The following UNKL variants were observed in gnomAD, a reference collection of about 807,000 sequenced individuals.
The protein encoded by UNKL is unk like zinc finger.
In UNKL, 60 loss-of-function variants were observed where a neutral mutation model predicts 78.0. That is an observed-to-expected ratio of 0.77 (90% confidence interval 0.63 to 0.95). The LOEUF (loss-of-function observed/expected upper bound fraction) is 0.95, where lower values mean the gene tolerates loss of function less well. UNKL is among the 40% of genes least tolerant of loss of function. The pLI, the probability that UNKL is intolerant of heterozygous loss-of-function variation, is 0.00. For missense variants in UNKL, 1,159 were observed against 1,045.7 expected, an observed-to-expected ratio of 1.11 and a Z score of -1.49; for synonymous variants, 608 against 474.8, an observed-to-expected ratio of 1.28 and a Z score of -3.65.
chr16:1,389,569 T>C (rs2036957845), intron 9 of UNKL, among the ~76,000 whole-genome samples: 1 of 152,136 alleles, frequency 6.6e-6, no homozygotes, highest in Non-Finnish European at 1.5e-5. Context: ...AGCCAGACCC[T>C]GCCTCAAAAA....
intron 6 of UNKL, 66 bp downstream of exon 6, chr16:1,397,112 G>C: frequency 6.7e-7 from 1 of 1,498,892 alleles, no homozygotes; most frequent in Non-Finnish European, 9.0e-7. Flanking sequence ...TAACCACGCT[G>C]TGAACCCCAC....
rs1486448262 is a variant in UNKL at position 1,364,142 on chromosome 16, C to T, written c.*2098G>A. 1 of 152,208 alleles carries T rather than the reference C, an allele frequency of 6.6e-6. No individual in the cohort carries two copies. The highest frequency in any genetic ancestry group is 1.5e-5 in the Non-Finnish European group (1 of 68,036). 9.4% of individuals were successfully genotyped at this position (152,208 alleles called of 1,614,324 possible). On this transcript the variant is annotated 3_prime_UTR_variant, in exon 15 of 15. Coordinates refer to ENST00000389221, the MANE Select transcript of UNKL (RefSeq NM_001372107.1). ...CAGTAGCACAAAATATACGTAATTT[C>T]TAGATACTGAGCTAATAAATCACTG... is the stretch of plus-strand genomic sequence containing the variant.
chr16:1,395,719 T>G (rs886844432), intron 6 of UNKL: 1 of 456,466 alleles, frequency 2.2e-6, no homozygotes, highest in African/African-American at 2.0e-5. Flanking sequence ...TGGTGCCAGC[T>G]CCACTCAGCT....
intron 10 of UNKL, among the ~76,000 whole-genome samples, 168 bp from the exon 11 acceptor site, chr16:1,371,779 GC>G (rs544205614): frequency 2.0e-5 from 3 of 152,152 alleles, no homozygotes; most frequent in Admixed American, 6.5e-5. Context: ...CGTCCTCGCA[GC>G]CCCCCACAGG....
chr16:1,388,417 G>T (rs1224502671), intron 9 of UNKL, among the ~76,000 whole-genome samples: 1 of 152,202 alleles, frequency 6.6e-6, no homozygotes, highest in Admixed American at 6.5e-5. Flanking sequence ...CTGCAGGAGG[G>T]GACTCCACCC....
Position 1,385,326 on chromosome 16 carries a change from C to T in UNKL, c.1146G>A (p.Val382=). The T allele has an allele frequency of 7.0e-7, 1 of 1,423,320 alleles. No individual in the cohort carries two copies. Among genetic ancestry groups the T allele is most frequent in the Non-Finnish European group, 9.2e-7 (1 of 1,092,890 alleles). The allele number at this position is 1,423,320 out of a possible 1,614,324, so 88.2% of individuals were successfully genotyped here. ...HPPAPSVSSS[V]ASSLASSAGS... is the part of the protein sequence containing the mutation. ...CGGCGCTGGACGCCAGGCTGGACGC[C>T]ACGCTGGAGCTCACGCTGGGGGCCG... Residue 382 remains valine, a synonymous_variant, in exon 10 of 15, where the codon GTG becomes GTA. Coordinates refer to ENST00000389221, the MANE Select transcript of UNKL (RefSeq NM_001372107.1).
At chr16:1,372,822 TGGG>T (rs2035965711) in intron 10 of UNKL, among the ~76,000 whole-genome samples, 1 of 151,406 alleles carries the variant, frequency 6.6e-6, no homozygotes, top group South Asian at 2.1e-4. Context: ...CTCAGCAGCG[TGGG>T]GCACACCGCA....
intron 9 of UNKL, among the ~76,000 whole-genome samples, chr16:1,389,476 G>T (rs2036954955): frequency 6.6e-6 from 1 of 152,238 alleles, no homozygotes; most frequent in African/African-American, 2.4e-5. Flanking sequence ...TCAGAAGGCT[G>T]AAGTGGGAGG....
chr16:1,378,402 C>T (rs937477926), intron 10 of UNKL, among the ~76,000 whole-genome samples: 4 of 152,204 alleles, frequency 2.6e-5, no homozygotes, highest in South Asian at 2.1e-4. Flanking sequence ...CAGAGCTCAC[C>T]GCCCCTCACA....
chr16:1,392,014 G>A lies in UNKL; in HGVS notation c.1023+877C>T, dbSNP rs566360707. Among the ~76,000 whole-genome samples the A allele has an allele frequency of 3.9e-5, 6 of 152,254 alleles. No homozygotes were observed. In the East Asian group the frequency reaches 7.7e-4, roughly 20 times the overall value. ...TGAGTTCCATTTCTTACATTTGAAC[G>A]TGGCTCTCTGACCTTGGGTTGGTCC... On this transcript the variant is annotated intron_variant, in intron 8 of 14. Transcript: ENST00000389221.
intron 4 of UNKL, among the ~76,000 whole-genome samples, chr16:1,400,278 C>T (rs545399054): frequency 1.3e-5 from 2 of 151,862 alleles, no homozygotes; most frequent in South Asian, 2.1e-4. Flanking sequence ...ATTAGCCGGG[C>T]ATACTGGTGC....
intron 10 of UNKL, among the ~76,000 whole-genome samples, chr16:1,371,844 C>A (rs1273569435): frequency 1.3e-5 from 2 of 152,244 alleles, no homozygotes; most frequent in East Asian, 1.9e-4. Flanking sequence ...AGGTGGGACG[C>A]CCCGCACCAC....
chr16:1,400,027 G>A (rs979612089), intron 4 of UNKL, among the ~76,000 whole-genome samples: 4 of 152,166 alleles, frequency 2.6e-5, no homozygotes, highest in Non-Finnish European at 5.9e-5. Context: ...GTGCACGGCA[G>A]GGGAGGCTGA....
At chr16:1,388,830 G>A (rs564661679) in intron 9 of UNKL, among the ~76,000 whole-genome samples, 4 of 151,372 alleles carry the variant, frequency 2.6e-5, no homozygotes, top group Admixed American at 6.6e-5. Flanking sequence ...AGCACCGTTC[G>A]CCCCGTGGGG....
At chr16:1,393,967 C>A (rs1458503438) in intron 7 of UNKL, among the ~76,000 whole-genome samples, 164 bp downstream of exon 7, 2 of 152,212 alleles carry the variant, frequency 1.3e-5, no homozygotes, top group Non-Finnish European at 2.9e-5. Context: ...CCCCAGGGAG[C>A]CTCCACGGGC....
intron 10 of UNKL, among the ~76,000 whole-genome samples, chr16:1,375,264 C>A (rs976035347): frequency 2.0e-5 from 3 of 152,236 alleles, no homozygotes; most frequent in Non-Finnish European, 1.5e-5. Context: ...CCGCGCTCAG[C>A]AGCCACACTG....
rs983299712 is a variant in UNKL at position 1,370,347 on chromosome 16, C to T, written c.1368G>A (p.Ser456=). 20 of 1,532,224 alleles carry T rather than the reference C, an allele frequency of 1.3e-5. No homozygotes were observed. Among genetic ancestry groups the T allele is most frequent in the African/African-American group, 4.1e-5 (3 of 72,874 alleles). The allele number at this position is 1,532,224 out of a possible 1,614,324, so 94.9% of individuals were successfully genotyped here. ...GHDLGAAGPR[S]LAGSAPVAIP... is the part of the protein sequence containing the mutation. ...TGGCGACAGGTGCAGAGCCGGCCAG[C>T]GACCTGGGACCTGGCGGGGGCGGAC... The change falls in exon 12 of 15, where the codon TCG becomes TCA. Residue 456 remains serine (S), a synonymous_variant. Coordinates refer to ENST00000389221, the MANE Select transcript of UNKL (RefSeq NM_001372107.1).
At chr16:1,411,008 G>A (rs2038015524) in intron 2 of UNKL, among the ~76,000 whole-genome samples, 3 of 152,052 alleles carry the variant, frequency 2.0e-5, no homozygotes, top group Non-Finnish European at 1.5e-5. Flanking sequence ...AAGGTGGGAA[G>A]ATCGCTTGAG....
chr16:1,382,964 AACAC>A (rs1352886132), intron 10 of UNKL, among the ~76,000 whole-genome samples: 3 of 146,884 alleles, frequency 2.0e-5, no homozygotes, highest in African/African-American at 7.7e-5. Context: ...TCTCAAAAAA[AACAC>A]ACACACACAT....
Sources: gnomAD v4.1 joint callset for allele counts (sites outside exome capture counted in the v4.1 genomes callset) on GRCh38, gnomAD v4.1.1 for gene constraint, MANE v1.5 for transcripts, NCBI Gene and HGNC (gene_info 2026-07-23, HGNC 2026-07-21) for gene names.